Variants in TCP11L2 observed in about 807,000 individuals in gnomAD.
The protein encoded by TCP11L2 is T-complex protein 11-like protein 2.
Under a neutral mutation model 50.7 loss-of-function variants are expected in TCP11L2, and 39 were observed. The observed-to-expected ratio is 0.77, with a 90% CI of 0.60 to 1.01. The LOEUF (loss-of-function observed/expected upper bound fraction) is 1.01, where lower values mean the gene tolerates loss of function less well. TCP11L2 is among the 50% of genes least tolerant of loss of function. The pLI, the probability that TCP11L2 is intolerant of heterozygous loss-of-function variation, is 0.00. For missense variants in TCP11L2, 612 were observed against 614.7 expected (o/e 1.00, Z 0.05); for synonymous variants, 192 against 219.3 (o/e 0.88, Z 1.10).
chr12:106,331,321 AAAAAG>A (rs79569938), intron 6 of TCP11L2, among the ~76,000 whole-genome samples: 139 of 151,214 alleles, frequency 9.2e-4, no homozygotes, highest in African/African-American at 2.4e-3. Flanking sequence ...TGGTATCTAC[AAAAAG>A]AAAAGAAAAG....
chr12:106,337,998 G>A (rs893813325), intron 8 of TCP11L2, among the ~76,000 whole-genome samples: 1 of 152,074 alleles, frequency 6.6e-6, no homozygotes, highest in African/African-American at 2.4e-5. Context: ...AAAAGGGATA[G>A]TACTAAATAA....
At chr12:106,323,359 T>C (rs1449586465) in intron 5 of TCP11L2, 151 bp from the exon 6 acceptor site, 11 of 537,946 alleles carry the variant, frequency 2.0e-5, no homozygotes, top group East Asian at 3.3e-5. Context: ...GTGTATGAGC[T>C]TCTATGAAAC....
At chr12:106,336,701 C>T (rs913046574) in intron 8 of TCP11L2, among the ~76,000 whole-genome samples, 10 of 152,138 alleles carry the variant, frequency 6.6e-5, no homozygotes, top group Admixed American at 3.9e-4. Flanking sequence ...TACAGGCATG[C>T]GCCGCCACGC....
At chr12:106,314,254 G>T in intron 2 of TCP11L2, 104 bp from the exon 3 acceptor site, 1 of 1,227,314 alleles carries the variant, frequency 8.1e-7, no homozygotes, top group South Asian at 1.6e-5. Flanking sequence ...ATAAAACTCT[G>T]AAGTATATAC....
At chr12:106,302,387 CCCCCGCTCAGCCCCCGCTCAGCCCCCGCT>C (rs1214327491), upstream of TCP11L2, among the ~76,000 whole-genome samples, 4 of 86,118 alleles carry the variant, frequency 4.6e-5, no homozygotes, top group Non-Finnish European at 9.1e-5. Context: ...CCCCGCTCAG[CCCCCGCTCAGCCCCCGCTCAGCCCCCGCT>C]CCCCCACTCG....
At chr12:106,316,164 TAGG>T (rs2035071760) in intron 3 of TCP11L2, among the ~76,000 whole-genome samples, 1 of 152,324 alleles carries the variant, frequency 6.6e-6, no homozygotes, top group South Asian at 2.1e-4. Flanking sequence ...AGCCCTAGGC[TAGG>T]CCACCGTCAT....
chr12:106,344,574 TA>T (rs1324811302), intron 9 of TCP11L2, among the ~76,000 whole-genome samples: 11 of 152,218 alleles, frequency 7.2e-5, no homozygotes, highest in Admixed American at 7.2e-4. Context: ...GAAAGAATTC[TA>T]AGACATAGAC....
intron 1 of TCP11L2, among the ~76,000 whole-genome samples, chr12:106,306,581 G>A (rs1262636516): frequency 1.3e-5 from 2 of 151,966 alleles, no homozygotes; most frequent in African/African-American, 4.8e-5. Context: ...ATTGCACTCA[G>A]TTATCAAGTG....
intron 5 of TCP11L2, among the ~76,000 whole-genome samples, chr12:106,322,323 T>C (rs1249490226): frequency 6.6e-6 from 1 of 152,128 alleles, no homozygotes; most frequent in African/African-American, 2.4e-5. Context: ...GGAAGACATA[T>C]GCAATATATA....
chr12:106,322,274 T>C (rs779989855), intron 5 of TCP11L2, among the ~76,000 whole-genome samples: 5 of 151,998 alleles, frequency 3.3e-5, no homozygotes, highest in Non-Finnish European at 7.4e-5. Flanking sequence ...GTCCTTACAG[T>C]CCTCTCCATT....
At chr12:106,312,910 G>A (rs920489978) in intron 2 of TCP11L2, among the ~76,000 whole-genome samples, 2 of 152,022 alleles carry the variant, frequency 1.3e-5, no homozygotes, top group Admixed American at 6.6e-5. Context: ...AGGTAGTAAA[G>A]TATTACCTGT....
intron 6 of TCP11L2, among the ~76,000 whole-genome samples, chr12:106,326,713 C>T (rs916665669): frequency 6.6e-6 from 1 of 152,184 alleles, no homozygotes; most frequent in East Asian, 1.9e-4. Context: ...GTGTCTCTGA[C>T]TCAAAGCGTG....
At chr12:106,336,547 ATTTTTTTTTTT>A (rs11449901) in intron 8 of TCP11L2, among the ~76,000 whole-genome samples, 1 of 102,164 alleles carries the variant, frequency 9.8e-6, no homozygotes, top group East Asian at 3.2e-4. Flanking sequence ...GAATTGCGCA[ATTTTTTTTTTT>A]TTTTTTTTTT....
upstream of TCP11L2, among the ~76,000 whole-genome samples, chr12:106,300,032 A>G (rs1257328755): frequency 2.0e-5 from 3 of 152,122 alleles, no homozygotes; most frequent in Non-Finnish European, 2.9e-5. Flanking sequence ...ATTTACAGGG[A>G]GAAAAAAAAA....
chr12:106,318,580 G>T (rs2035192408), intron 4 of TCP11L2, 116 bp downstream of exon 4: 1 of 1,317,488 alleles, frequency 7.6e-7, no homozygotes, highest in Non-Finnish European at 1.0e-6. Flanking sequence ...CACAGTACTG[G>T]AGGCTGGGAA....
intron 1 of TCP11L2, among the ~76,000 whole-genome samples, chr12:106,306,662 A>C (rs2034643960): frequency 6.6e-6 from 1 of 152,134 alleles, no homozygotes. Context: ...CGGAACTTGT[A>C]ACTTCTTTTA....
intron 6 of TCP11L2, among the ~76,000 whole-genome samples, chr12:106,333,467 T>A (rs1307182201): frequency 6.6e-6 from 1 of 152,138 alleles, no homozygotes; most frequent in Non-Finnish European, 1.5e-5. Flanking sequence ...TAAAAGTAGT[T>A]GAGTGAGGTG....
At position 106,315,824 on chromosome 12, in the gene TCP11L2, G is replaced by A. The variant is rs368872272; in HGVS notation, c.293+1331G>A. 1.0e-3 allele frequency among the ~76,000 whole-genome samples: 157 copies of A among 152,312 alleles called. 4 individuals carry two copies. The East Asian group carries it at 0.017, about 16-fold the overall frequency. On this transcript the variant is annotated intron_variant, in intron 3 of 9. Coordinates refer to ENST00000299045, the MANE Select transcript of TCP11L2 (RefSeq NM_152772.3). The stretch of plus-strand genomic sequence containing the variant: ...GAAGAGGCTTGAGACTATTATTACA[G>A]ATCAGTCGTCTTTAGAAGCAAAGTT...
rs994601702 is a variant in TCP11L2 at position 106,302,852 on chromosome 12, A to C, written c.-125A>C. ...GTTGGGCTGGTGAGTTTTCGAGGTG[A>C]CTGTGCTGTGCTCGGTGAGGGGACG... is the stretch of plus-strand genomic sequence containing the variant. On this transcript the variant is annotated 5_prime_UTR_variant, in exon 1 of 10. Transcript: ENST00000299045. The C allele has an allele frequency of 6.5e-6, 1 of 152,718 alleles. No homozygotes were observed. The highest frequency in any genetic ancestry group is 1.9e-4 in the East Asian group (1 of 5,182). The allele number at this position is 152,718 out of a possible 1,614,324, so 9.5% of individuals were successfully genotyped here.
Sources: allele counts gnomAD v4.1 joint callset (sites outside exome capture counted in the v4.1 genomes callset), GRCh38; gene constraint gnomAD v4.1.1; transcripts MANE v1.5; gene names NCBI Gene and HGNC (gene_info 2026-07-23, HGNC 2026-07-21).